HGF: variants seen among roughly 807,000 people sequenced by gnomAD.
HGF encodes the protein fibroblast-derived tumor cytotoxic factor.
In HGF, 39 loss-of-function variants were observed where a neutral mutation model predicts 111.6. That is an observed-to-expected ratio of 0.35 (90% CI 0.27 to 0.46). The LOEUF (loss-of-function observed/expected upper bound fraction) is 0.46. HGF is among the 20% of genes least tolerant of loss of function. HGF has a pLI of 1.00. For synonymous variants in HGF, 285 were observed against 294.8 expected (o/e 0.97, Z 0.34); for missense variants, 735 against 910.5 (o/e 0.81, Z 2.48).
At chr7:81,721,531 T>C (rs1315278249) in intron 9 of HGF, among the ~76,000 whole-genome samples, 2 of 152,200 alleles carry the variant, frequency 1.3e-5, no homozygotes, top group Admixed American at 6.5e-5. Flanking sequence ...CGAACATTCA[T>C]CTCCTAGTCA....
Position 81,707,490 on chromosome 7 carries a change from C to T in HGF, c.1542-126G>A, listed in dbSNP as rs965822716. 4.5e-6 allele frequency: 3 copies of T among 667,738 alleles called. No homozygotes were observed. In the East Asian group the frequency reaches 8.2e-5, roughly 18 times the overall value. 41.4% of individuals were successfully genotyped at this position (667,738 alleles called of 1,614,324 possible). A position where few individuals can be genotyped will look rare whatever the true frequency, so the allele number is the denominator to read the frequency against. Reference sequence around the variant, plus strand: ...TGCAGAGGAAAATATAGAAATTAACCCAACTGGAATAAAATGAGAAGTTCT... The same window carrying T: ...TGCAGAGGAAAATATAGAAATTAACTCAACTGGAATAAAATGAGAAGTTCT... On this transcript the variant is annotated intron_variant, in intron 13 of 17. Coordinates refer to ENST00000222390, the MANE Select transcript of HGF (RefSeq NM_000601.6).
At chr7:81,716,618 T>A (rs1403196966) in intron 11 of HGF, among the ~76,000 whole-genome samples, 1 of 152,198 alleles carries the variant, frequency 6.6e-6, no homozygotes, top group Non-Finnish European at 1.5e-5. Flanking sequence ...ATCTAGGGAC[T>A]TTTTAATATG....
Position 81,729,605 on chromosome 7 carries a change from T to C in HGF, c.1040A>G (p.Lys347Arg). The change falls in exon 8 of 18, where the codon AAG becomes AGG. Residue 347 changes from lysine to arginine, a missense_variant and splice_region_variant. Lys to Arg is a conservative substitution (Grantham distance 26). This residue lies in a region of HGF where 553 missense variants were observed against 685.6 expected (regional missense o/e 0.81). Coordinates refer to ENST00000222390, the MANE Select transcript of HGF (RefSeq NM_000601.6). ...HDMTPENFKC[K>R]DLRENYCRNP... ...TATAACATTTGCCTACTTTACTCAC[T>C]TGCACTTGAAATTTTCAGGAGTCAT... is the stretch of plus-strand genomic sequence containing the variant. 1 of 1,611,212 alleles carries C rather than the reference T, an allele frequency of 6.2e-7. No homozygotes were observed. Among genetic ancestry groups the C allele is most frequent in the South Asian group, 1.1e-5 (1 of 91,020 alleles).
chr7:81,762,090 T>C (rs1789114752), intron 2 of HGF, among the ~76,000 whole-genome samples: 1 of 152,086 alleles, frequency 6.6e-6, no homozygotes, highest in Admixed American at 6.5e-5. Context: ...TAAGGAATTC[T>C]TCCCTATGAG....
chr7:81,756,325 C>A (rs907564872), intron 4 of HGF: 5 of 425,706 alleles, frequency 1.2e-5, no homozygotes, highest in African/African-American at 8.2e-5. Flanking sequence ...CAGTGCTCAG[C>A]AAGGTACATG....
chr7:81,748,048 C>T (rs963411003), intron 5 of HGF, among the ~76,000 whole-genome samples: 5 of 152,174 alleles, frequency 3.3e-5, no homozygotes, highest in African/African-American at 1.2e-4. Context: ...AGAGACTTAC[C>T]TAAAACACAA....
At chr7:81,710,863 G>T (rs936102022) in intron 12 of HGF, among the ~76,000 whole-genome samples, 10 of 152,114 alleles carry the variant, frequency 6.6e-5, no homozygotes, top group African/African-American at 2.2e-4. Context: ...TTCTGCCCAT[G>T]GTCTAGAATA....
intron 9 of HGF, 50 bp downstream of exon 9, chr7:81,725,840 C>A: frequency 6.3e-7 from 1 of 1,599,988 alleles, no homozygotes; most frequent in Non-Finnish European, 8.6e-7. Flanking sequence ...TCCCTTTAGG[C>A]ATTTCCCCTG....
chr7:81,726,105 T>C (rs1790001275), intron 8 of HGF, 88 bp from the exon 9 acceptor site: 1 of 1,268,366 alleles, frequency 7.9e-7, no homozygotes, highest in African/African-American at 1.5e-5. Flanking sequence ...TTCTAGAATG[T>C]ATGCATGTTT....
At chr7:81,705,044 G>A (rs1433833590) in intron 17 of HGF, among the ~76,000 whole-genome samples, 1 of 151,806 alleles carries the variant, frequency 6.6e-6, no homozygotes, top group South Asian at 2.1e-4. Flanking sequence ...AGATAATTTG[G>A]GAAGATAAAA....
chr7:81,744,086 G>T (rs1054750565), intron 6 of HGF, among the ~76,000 whole-genome samples: 1 of 152,076 alleles, frequency 6.6e-6, no homozygotes. Context: ...AAATAAGCTG[G>T]AGTTTTAATT....
chr7:81,766,259 G>A (rs985328402), intron 1 of HGF, among the ~76,000 whole-genome samples: 3 of 152,124 alleles, frequency 2.0e-5, no homozygotes, highest in African/African-American at 7.2e-5. Flanking sequence ...AATCATGCAA[G>A]GAAAGGATTT....
Position 81,717,385 on chromosome 7 carries a change from T to C in HGF, c.1272-20A>G. 6.2e-7 allele frequency: 1 copy of C among 1,609,930 alleles called. No individual in the cohort carries two copies. On this transcript the variant is annotated intron_variant, in intron 10 of 17. Transcript: ENST00000222390. ...ATATGACTGTGGAAACAACAGGCCT[T>C]GCACATCACAAGATGCTCATTCCAT...
intron 11 of HGF, among the ~76,000 whole-genome samples, chr7:81,715,832 TTGC>T (rs767139702): frequency 6.6e-6 from 1 of 152,198 alleles, no homozygotes; most frequent in Non-Finnish European, 1.5e-5. Flanking sequence ...GTAGATATTT[TTGC>T]TGCTGTTCTC....
chr7:81,769,686 A>ATT (rs1789534373), intron 1 of HGF, among the ~76,000 whole-genome samples, 198 bp downstream of exon 1: 1 of 152,094 alleles, frequency 6.6e-6, no homozygotes, highest in Admixed American at 6.5e-5. Flanking sequence ...GTTAATTATC[A>ATT]TTTTAAATGC....
intron 4 of HGF, 45 bp from the exon 5 acceptor site, chr7:81,752,307 T>G (rs1353744965): frequency 2.2e-5 from 34 of 1,560,150 alleles, no homozygotes; most frequent in Non-Finnish European, 3.0e-5. Context: ...GCATGCAACT[T>G]TTTTTTGCCT....
chr7:81,714,217 T>C (rs1440598484), intron 11 of HGF, among the ~76,000 whole-genome samples: 1 of 152,196 alleles, frequency 6.6e-6, no homozygotes, highest in African/African-American at 2.4e-5. Flanking sequence ...TATTGCTTTG[T>C]AATTATTTCC....
At chr7:81,708,559 G>T (rs1789491324) in intron 13 of HGF, among the ~76,000 whole-genome samples, 1 of 73,546 alleles carries the variant, frequency 1.4e-5, no homozygotes, top group African/African-American at 6.2e-5. Context: ...TTTTGAGACA[G>T]AGTCTCGCTC....
intron 2 of HGF, among the ~76,000 whole-genome samples, chr7:81,761,932 T>C (rs1789104287): frequency 6.6e-6 from 1 of 152,008 alleles, no homozygotes; most frequent in Non-Finnish European, 1.5e-5. Context: ...GGGGTTCAGC[T>C]CCTATGAGAA....
Sources: gnomAD v4.1 joint callset for allele counts (sites outside exome capture counted in the v4.1 genomes callset) on GRCh38, gnomAD v4.1.1 for gene constraint, gnomAD v4.1.1 regional missense constraint, MANE v1.5 for transcripts, NCBI Gene and HGNC (gene_info 2026-07-23, HGNC 2026-07-21) for gene names.